CC2D2B: variants seen among roughly 807,000 people sequenced by gnomAD.
CC2D2B encodes the protein protein CC2D2B.
Under a neutral mutation model 161.2 loss-of-function variants are expected in CC2D2B, and 128 were observed. The observed-to-expected ratio is 0.79, with a 90% CI of 0.69 to 0.92. CC2D2B has a LOEUF of 0.92. Ranked by LOEUF, CC2D2B falls within the 40% of genes least tolerant of loss-of-function variation. The pLI, the probability that CC2D2B is intolerant of heterozygous loss-of-function variation, is 0.00. For synonymous variants in CC2D2B, 391 were observed against 449.8 expected, an observed-to-expected ratio of 0.87 and a Z score of 1.65; for missense variants, 1,173 against 1,375.1, an observed-to-expected ratio of 0.85 and a Z score of 2.32.
At chr10:95,919,075 C>T (rs905082473) in intron 2 of CC2D2B, 7 of 152,166 alleles carry the variant, frequency 4.6e-5, no homozygotes, top group South Asian at 2.1e-4. Context: ...TTGAATTCAC[C>T]GCTTGAAAGA....
intron 9 of CC2D2B, among the ~76,000 whole-genome samples, chr10:95,939,578 G>A (rs1011137687): frequency 7.2e-5 from 11 of 152,118 alleles, no homozygotes; most frequent in East Asian, 5.8e-4. Flanking sequence ...TTCTAAAGTG[G>A]TTGTACCAAA....
intron 26 of CC2D2B, among the ~76,000 whole-genome samples, chr10:96,011,522 A>G (rs1307473862): frequency 6.6e-6 from 1 of 152,176 alleles, no homozygotes; most frequent in African/African-American, 2.4e-5. Flanking sequence ...GGTCTTGCAC[A>G]TTAGTAAGCA....
intron 32 of CC2D2B, among the ~76,000 whole-genome samples, chr10:96,022,944 T>A (rs2079535019): frequency 6.6e-6 from 1 of 151,988 alleles, no homozygotes; most frequent in African/African-American, 2.4e-5. Flanking sequence ...CTGGCCTAGA[T>A]AAAAGTCAGG....
At chr10:95,932,438 A>G (rs552001398) in intron 6 of CC2D2B, among the ~76,000 whole-genome samples, 1 of 152,262 alleles carries the variant, frequency 6.6e-6, no homozygotes, top group African/African-American at 2.4e-5. Context: ...CTAGCTGGTT[A>G]TTTTGCCTAT....
chr10:95,944,695 T>G (rs887337091), intron 9 of CC2D2B, among the ~76,000 whole-genome samples: 1 of 152,222 alleles, frequency 6.6e-6, no homozygotes, highest in Non-Finnish European at 1.5e-5. Flanking sequence ...CAGGTTAACC[T>G]TTGTAATAAT....
chr10:95,953,682 C>T (rs545778595), intron 10 of CC2D2B, among the ~76,000 whole-genome samples: 11 of 152,152 alleles, frequency 7.2e-5, no homozygotes, highest in Non-Finnish European at 1.5e-4. Flanking sequence ...AAGGAAAAGG[C>T]ATTACCTCAT....
chr10:95,964,436 A>G (rs1036160696), intron 12 of CC2D2B, among the ~76,000 whole-genome samples: 1 of 152,182 alleles, frequency 6.6e-6, no homozygotes, highest in Non-Finnish European at 1.5e-5. Context: ...TGATTTTAAT[A>G]TGTAACAAAG....
intron 6 of CC2D2B, among the ~76,000 whole-genome samples, chr10:95,934,437 G>GAA (rs551651883): frequency 7.8e-4 from 112 of 143,878 alleles, no homozygotes; most frequent in East Asian, 1.9e-3. Context: ...ACTGGGGTAT[G>GAA]AAAAAAAAAA....
In CC2D2B at chr10:96,031,802, G is replaced by A. The variant is rs987036794; in HGVS notation, c.4126-18G>A. On this transcript the variant is annotated intron_variant, in intron 34 of 34. Coordinates refer to ENST00000646931, the MANE Select transcript of CC2D2B (RefSeq NM_001349008.3). ...CAGTTGTAATGTGGGTTTATGTGCT[G>A]TTCTGTCTTTGATCCAGGTCACGGG... is the stretch of plus-strand genomic sequence containing the variant. The A allele has an allele frequency of 8.7e-6, 14 of 1,606,368 alleles. No individual in the cohort carries two copies. Among genetic ancestry groups the A allele is most frequent in the African/African-American group, 1.3e-5 (1 of 74,796 alleles).
intron 2 of CC2D2B, chr10:95,920,588 C>G (rs1207569785): frequency 1.3e-5 from 2 of 151,872 alleles, no homozygotes; most frequent in Non-Finnish European, 1.5e-5. Context: ...TACTCTTCCT[C>G]CTCCTTTCCT....
At position 95,924,766 on chromosome 10, in the gene CC2D2B, T is replaced by A. The variant is rs1188636934; in HGVS notation, c.175-13T>A. 6.7e-7 allele frequency: 1 copy of A among 1,494,818 alleles called. No homozygotes were observed. Among genetic ancestry groups the A allele is most frequent in the East Asian group, 2.5e-5 (1 of 40,502 alleles). 92.6% of individuals were successfully genotyped at this position (1,494,818 alleles called of 1,614,324 possible). A position where few individuals can be genotyped will look rare whatever the true frequency, so the allele number is the denominator to read the frequency against. ...GTCTATTTCTGTAAAGATTTATTTA[T>A]GTTGTGTTTCAGATTAATAAAGGTG... On this transcript the variant is annotated splice_polypyrimidine_tract_variant and intron_variant, in intron 4 of 34. Coordinates refer to ENST00000646931, the MANE Select transcript of CC2D2B (RefSeq NM_001349008.3).
chr10:95,917,475 G>A (rs559622859), intron 2 of CC2D2B, among the ~76,000 whole-genome samples: 7 of 151,496 alleles, frequency 4.6e-5, no homozygotes, highest in Admixed American at 6.6e-5. Context: ...CCGTCCATCC[G>A]TCCGTCTGTC....
chr10:95,928,244 A>C (rs947575574), intron 6 of CC2D2B, among the ~76,000 whole-genome samples: 2 of 145,122 alleles, frequency 1.4e-5, no homozygotes, highest in Non-Finnish European at 3.0e-5. Context: ...AAAAAAAAAA[A>C]CTCTTAAAAT....
At chr10:95,985,681 A>C (rs1280724827) in intron 19 of CC2D2B, among the ~76,000 whole-genome samples, 1 of 152,256 alleles carries the variant, frequency 6.6e-6, no homozygotes, top group East Asian at 1.9e-4. Context: ...TCAGGGAACA[A>C]GGGAGATAAC....
intron 16 of CC2D2B, 112 bp downstream of exon 16, chr10:95,972,328 TTTTGTTTG>T: frequency 2.7e-6 from 2 of 744,636 alleles, no homozygotes; most frequent in Non-Finnish European, 3.7e-6. Flanking sequence ...CAATATTCTT[TTTTGTTTG>T]TTTGTTTGTT....
chr10:95,996,167 G>A lies in CC2D2B; in HGVS notation c.2764G>A (p.Val922Ile), dbSNP rs2078223596. ...HEDTVHPFVE[V>I]SFQHTVYKTN... Reference sequence around the variant, plus strand: ...GGATACTGTACATCCATTCGTGGAAGTTTCTTTCCAGCACACTGTATACAA... The same window carrying A: ...GGATACTGTACATCCATTCGTGGAAATTTCTTTCCAGCACACTGTATACAA... The change falls in exon 24 of 35, where the codon GTT becomes ATT. Residue 922 changes from valine to isoleucine, a missense_variant. Val to Ile is a conservative substitution (Grantham distance 29, BLOSUM62 3). Coordinates refer to ENST00000646931, the MANE Select transcript of CC2D2B (RefSeq NM_001349008.3). 6.7e-7 allele frequency: 1 copy of A among 1,502,848 alleles called. No individual in the cohort carries two copies. Among genetic ancestry groups the A allele is most frequent in the South Asian group, 1.3e-5 (1 of 79,668 alleles). The allele number at this position is 1,502,848 out of a possible 1,614,324, so 93.1% of individuals were successfully genotyped here.
intron 33 of CC2D2B, among the ~76,000 whole-genome samples, chr10:96,025,753 C>T (rs2079744898): frequency 6.6e-6 from 1 of 152,228 alleles, no homozygotes; most frequent in Non-Finnish European, 1.5e-5. Flanking sequence ...AGGACTGGCT[C>T]TCAGGCCATG....
At chr10:95,961,278 A>C (rs1413952931) in intron 11 of CC2D2B, among the ~76,000 whole-genome samples, 1 of 152,144 alleles carries the variant, frequency 6.6e-6, no homozygotes, top group Non-Finnish European at 1.5e-5. Context: ...TTATAACCCC[A>C]GTGCTTTAGG....
At chr10:96,012,479 T>G in intron 27 of CC2D2B, 53 bp from the exon 28 acceptor site, 1 of 1,311,640 alleles carries the variant, frequency 7.6e-7, no homozygotes, top group Non-Finnish European at 1.1e-6. Context: ...TCTTGATATT[T>G]TCTTGTGAGA....
Sources: gnomAD v4.1 joint callset for allele counts (sites outside exome capture counted in the v4.1 genomes callset) on GRCh38, gnomAD v4.1.1 for gene constraint, MANE v1.5 for transcripts, NCBI Gene and HGNC (gene_info 2026-07-23, HGNC 2026-07-21) for gene names.